Variants in ARMC7 observed in about 807,000 individuals in gnomAD.
ARMC7 encodes the protein armadillo repeat containing 7.
In ARMC7, 9 loss-of-function variants were observed where a neutral mutation model predicts 14.8. The observed-to-expected ratio is 0.61, with a 90% confidence interval of 0.37 to 1.06. The LOEUF (loss-of-function observed/expected upper bound fraction) is 1.06, where lower values mean the gene tolerates loss of function less well. ARMC7 is among the 50% of genes least tolerant of loss of function. The probability of loss-of-function intolerance (pLI) is 0.01; values close to 1 mark genes in which losing one functional copy is unlikely to be tolerated. For synonymous variants in ARMC7, 125 were observed against 123.4 expected, an observed-to-expected ratio of 1.01 and a Z score of -0.09; for missense variants, 262 against 267.1, an observed-to-expected ratio of 0.98 and a Z score of 0.13.
chr17:75,128,657 TCTTC>T lies in ARMC7; in HGVS notation c.236-16_236-13del. ...AGGCCCGGGGCTACAGCATCCAGAC[TCTTC>T]CTTGCTCTCCCACAGGAGGCCTGTG... On this transcript the variant is annotated splice_polypyrimidine_tract_variant and intron_variant, in intron 2 of 2. Coordinates refer to ENST00000245543, the MANE Select transcript of ARMC7 (RefSeq NM_024585.4). 6.3e-7 allele frequency: 1 copy of T among 1,599,386 alleles called. No individual in the cohort carries two copies. Among genetic ancestry groups the T allele is most frequent in the Non-Finnish European group, 8.5e-7 (1 of 1,171,110 alleles).
chr17:75,121,356 G>T lies in ARMC7; in HGVS notation c.236-7321G>T, dbSNP rs907825833. 4.6e-5 allele frequency among the ~76,000 whole-genome samples: 7 copies of T among 152,128 alleles called. No individual in the cohort carries two copies. In the East Asian group the frequency reaches 1.3e-3, roughly 29 times the overall value. The stretch of plus-strand genomic sequence containing the variant: ...GAGAAGCTGCCAAATCACTTTCCAC[G>T]TAGTTACACCAGGTTATGCTATATG... On this transcript the variant is annotated intron_variant, in intron 2 of 2. Coordinates refer to ENST00000245543, the MANE Select transcript of ARMC7 (RefSeq NM_024585.4).
intron 2 of ARMC7, among the ~76,000 whole-genome samples, chr17:75,116,173 G>A (rs2073971674): frequency 6.6e-6 from 1 of 152,176 alleles, no homozygotes; most frequent in Admixed American, 6.5e-5. Flanking sequence ...CCCCCATCAC[G>A]GATGGCATTA....
In ARMC7 at chr17:75,128,842, C is replaced by T. The variant is rs1427354266; in HGVS notation, c.401C>T (p.Pro134Leu). The change falls in exon 3 of 3, where the codon CCA (proline) becomes CTA (leucine). Residue 134 changes from proline to leucine, a missense_variant. Transcript: ENST00000245543. ...AGCCCGCCGGGCCGCAGCTTTCTCC[C>T]AGAGCTGACCGCCACGCCCGTGGTG... ...HLSPPGRSFL[P>L]ELTATPVVQC... is the part of the protein sequence containing the mutation. 6.2e-7 allele frequency: 1 copy of T among 1,613,118 alleles called. No individual in the cohort carries two copies. Among genetic ancestry groups the T allele is most frequent in the Non-Finnish European group, 8.5e-7 (1 of 1,180,018 alleles).
Position 75,129,224 on chromosome 17 carries a change from A to G in ARMC7, c.*186A>G, listed in dbSNP as rs2145138627. On this transcript the variant is annotated 3_prime_UTR_variant, in exon 3 of 3. Coordinates refer to ENST00000245543, the MANE Select transcript of ARMC7 (RefSeq NM_024585.4). Reference sequence around the variant, plus strand: ...ACTGGGAGTGAGGAAGCCAGACTCCAGAGACACGGAGAAGATCAAACTGGA... The same window carrying G: ...ACTGGGAGTGAGGAAGCCAGACTCCGGAGACACGGAGAAGATCAAACTGGA... 1 of 803,720 alleles carries G rather than the reference A, an allele frequency of 1.2e-6. No individual in the cohort carries two copies. The highest frequency in any genetic ancestry group is 1.9e-6 in the Non-Finnish European group (1 of 528,628). 49.8% of individuals were successfully genotyped at this position (803,720 alleles called of 1,614,324 possible).
At chr17:75,118,234 C>T (rs1233338875) in intron 2 of ARMC7, among the ~76,000 whole-genome samples, 2 of 152,122 alleles carry the variant, frequency 1.3e-5, no homozygotes, top group Non-Finnish European at 2.9e-5. Flanking sequence ...TCTTGCTTAT[C>T]GAGTTGCTCA....
At chr17:75,123,417 G>A (rs1288608482) in intron 2 of ARMC7, among the ~76,000 whole-genome samples, 6 of 149,302 alleles carry the variant, frequency 4.0e-5, no homozygotes, top group Non-Finnish European at 1.5e-5. Flanking sequence ...GCAGCAGTGC[G>A]ATCTCTGCTC....
intron 2 of ARMC7, among the ~76,000 whole-genome samples, chr17:75,120,197 C>T (rs186051925): frequency 2.6e-4 from 39 of 152,234 alleles, no homozygotes; most frequent in African/African-American, 7.5e-4. Flanking sequence ...CCCCCACGCC[C>T]GGCCAGCATC....
chr17:75,118,953 A>G (rs1284075784), intron 2 of ARMC7, among the ~76,000 whole-genome samples: 4 of 152,238 alleles, frequency 2.6e-5, no homozygotes, highest in Non-Finnish European at 5.9e-5. Context: ...CCTGTCATCC[A>G]GGATCCAAAT....
Position 75,128,844 on chromosome 17 carries a change from G to A in ARMC7, c.403G>A (p.Glu135Lys), listed in dbSNP as rs978422777. The change falls in exon 3 of 3, where the codon GAG (glutamate) becomes AAG (lysine). Residue 135 changes from glutamate (E) to lysine (K), a missense_variant. Transcript: ENST00000245543. ...LSPPGRSFLP[E>K]LTATPVVQCM... is the part of the protein sequence containing the mutation. ...CCCGCCGGGCCGCAGCTTTCTCCCA[G>A]AGCTGACCGCCACGCCCGTGGTGCA... 6.2e-7 allele frequency: 1 copy of A among 1,613,006 alleles called. No individual in the cohort carries two copies. The highest frequency in any genetic ancestry group is 8.5e-7 in the Non-Finnish European group (1 of 1,179,990).
intron 2 of ARMC7, chr17:75,114,270 A>G (rs1272261641): frequency 1.0e-5 from 4 of 400,994 alleles, no homozygotes. Context: ...CTGCCCCTGG[A>G]GAAAAATTGG....
chr17:75,129,100 G>A lies in ARMC7; in HGVS notation c.*62G>A, dbSNP rs1227380242. ...TGGAGACCACAGTCCTGATGTGGAC[G>A]CAGGGAACGGGGAGCACATACTGCC... On this transcript the variant is annotated 3_prime_UTR_variant, in exon 3 of 3. Transcript: ENST00000245543. The A allele has an allele frequency of 1.6e-5, 24 of 1,525,208 alleles. No individual in the cohort carries two copies. Among genetic ancestry groups the A allele is most frequent in the African/African-American group, 4.1e-5 (3 of 73,040 alleles). 94.5% of individuals were successfully genotyped at this position (1,525,208 alleles called of 1,614,324 possible).
At chr17:75,115,306 G>A (rs952524457) in intron 2 of ARMC7, among the ~76,000 whole-genome samples, 32 of 152,116 alleles carry the variant, frequency 2.1e-4, no homozygotes, top group African/African-American at 6.5e-4. Context: ...TTGGGAGGCC[G>A]AGGGGGGTGG....
chr17:75,126,768 G>A (rs2074054480), intron 2 of ARMC7, among the ~76,000 whole-genome samples: 1 of 151,740 alleles, frequency 6.6e-6, no homozygotes, highest in Non-Finnish European at 1.5e-5. Context: ...ATTGGTAAAT[G>A]AAAAAAGCTG....
At chr17:75,116,580 A>G (rs1252553946) in intron 2 of ARMC7, among the ~76,000 whole-genome samples, 3 of 152,302 alleles carry the variant, frequency 2.0e-5, no homozygotes, top group Non-Finnish European at 4.4e-5. Flanking sequence ...AGCCAAGATC[A>G]CGCCATTGCA....
intron 2 of ARMC7, among the ~76,000 whole-genome samples, chr17:75,127,013 G>A (rs1455368800): frequency 1.4e-5 from 2 of 147,010 alleles, no homozygotes; most frequent in African/African-American, 5.0e-5. Context: ...AATGAGCCGC[G>A]ATCATGCCAC....
Position 75,117,452 on chromosome 17 carries a change from T to C in ARMC7, c.235+6846T>C, listed in dbSNP as rs141648541. Among the ~76,000 whole-genome samples the C allele has an allele frequency of 3.2e-3, 492 of 152,272 alleles. 5 individuals are homozygous for C. Among genetic ancestry groups the C allele is most frequent in the African/African-American group, 0.011 (462 of 41,554 alleles). ...CATGCTTAAGACCCAAATTCCCAGA[T>C]GGCTTATGGTTAAGGGTGTTCAAAG... On this transcript the variant is annotated intron_variant, in intron 2 of 2. Transcript: ENST00000245543.
At chr17:75,115,894 T>C (rs988970882) in intron 2 of ARMC7, among the ~76,000 whole-genome samples, 3 of 152,154 alleles carry the variant, frequency 2.0e-5, no homozygotes, top group African/African-American at 4.8e-5. Flanking sequence ...TTAGGGTTAG[T>C]GTCTGCAGCC....
chr17:75,122,583 G>C (rs1194597526), intron 2 of ARMC7, among the ~76,000 whole-genome samples: 1 of 151,958 alleles, frequency 6.6e-6, no homozygotes, highest in African/African-American at 2.4e-5. Flanking sequence ...GGCTAGTCTT[G>C]AACTCCTGAC....
Position 75,110,002 on chromosome 17 carries a change from A to G in ARMC7, c.-287A>G. On this transcript the variant is annotated 5_prime_UTR_variant, in exon 1 of 3. Transcript: ENST00000245543. ...GCCCAGGAGCCGGGGACGGTGCGCC[A>G]GTGCCCCCTCCGCGAGCCCCAACCA... The G allele has an allele frequency of 2.7e-6, 1 of 366,108 alleles. No homozygotes were observed. The highest frequency in any genetic ancestry group is 5.0e-6 in the Non-Finnish European group (1 of 200,048). The allele number at this position is 366,108 out of a possible 1,614,324, so 22.7% of individuals were successfully genotyped here. A position where few individuals can be genotyped will look rare whatever the true frequency, so the allele number is the denominator to read the frequency against.
Sources: gnomAD v4.1 joint callset for allele counts (sites outside exome capture counted in the v4.1 genomes callset) on GRCh38, gnomAD v4.1.1 for gene constraint, MANE v1.5 for transcripts, NCBI Gene and HGNC (gene_info 2026-07-23, HGNC 2026-07-21) for gene names.